The following SPATA31E1 variants were observed in gnomAD, a reference collection of about 807,000 sequenced individuals.
SPATA31E1 encodes spermatogenesis-associated protein 31E1.
SPATA31E1 carries 7 observed loss-of-function variants against 12.9 expected under a neutral mutation model. The observed-to-expected ratio is 0.54, with a 90% CI of 0.31 to 1.02. The LOEUF is 1.02. Among genes scored for constraint, SPATA31E1 ranks in the 50% least tolerant of loss-of-function variants. The pLI is 0.05. For missense variants in SPATA31E1, 1,961 were observed against 1,799.8 expected (o/e 1.09, Z -1.62); for synonymous variants, 771 against 719.0 (o/e 1.07, Z -1.16).
rs758117140 is a variant in SPATA31E1, at chr9:87,887,914, A to G, written c.3427A>G (p.Arg1143Gly). 1.9e-6 allele frequency: 3 copies of G among 1,613,876 alleles called. No homozygotes were observed. The highest frequency in any genetic ancestry group is 2.5e-6 in the Non-Finnish European group (3 of 1,180,032). ...CATGGACATGCTCACTGCCGCAGAC[A>G]GGCTGCCCACTCAAGCCCCTCTGTC... ...RHMDMLTAAD[R>G]LPTQAPLSTS... Residue 1143 changes from arginine to glycine, a missense_variant, in exon 4 of 4, where the codon AGG becomes GGG. Transcript: ENST00000325643.
In SPATA31E1 at chr9:87,883,060, C is replaced by G. The variant is rs770162452; in HGVS notation, c.169C>G (p.Leu57Val). The change falls in exon 1 of 4, where the codon CTG (leucine) becomes GTG (valine). Residue 57 changes from leucine (L) to valine (V), a missense_variant. Leu to Val is a conservative substitution (Grantham distance 32). Coordinates refer to ENST00000325643, the MANE Select transcript of SPATA31E1 (RefSeq NM_178828.5). The stretch of plus-strand genomic sequence containing the variant: ...TCTGAAGAGCCCTAGTGCCACATGG[C>G]TGAGCCCTAGCTCCACTCCCTGGAT... ...FPLKSPSATW[L>V]SPSSTPWMMD... 1.2e-6 allele frequency: 2 copies of G among 1,613,448 alleles called. No individual in the cohort carries two copies. Among genetic ancestry groups the G allele is most frequent in the Admixed American group, 3.3e-5 (2 of 59,958 alleles).
At position 87,887,030 on chromosome 9, in the gene SPATA31E1, G is replaced by A. The variant is rs149963980; in HGVS notation, c.2543G>A (p.Trp848Ter). Reference protein sequence around the residue: ...HLVRFCVRHSWGTDLQSLEPI... With the variant: ...HLVRFCVRHS Reference sequence around the variant, plus strand: ...GTAAGGTTCTGTGTGAGGCACAGCTGGGGTACAGACCTCCAGTCCCTGGAG... The same window carrying A: ...GTAAGGTTCTGTGTGAGGCACAGCTAGGGTACAGACCTCCAGTCCCTGGAG... The change falls in exon 4 of 4, where the codon TGG (tryptophan) becomes TAG (stop). Residue 848 changes from tryptophan to a stop codon, truncating the protein, a stop_gained. Transcript: ENST00000325643. LOFTEE classifies it low-confidence loss of function (END_TRUNC). 1.6e-5 allele frequency: 26 copies of A among 1,613,966 alleles called. No individual in the cohort carries two copies. The highest frequency in any genetic ancestry group is 2.2e-5 in the Non-Finnish European group (26 of 1,180,024).
rs771927588 is a variant in SPATA31E1 at position 87,885,479 on chromosome 9, T to A, written c.992T>A (p.Leu331His). 5 of 1,614,058 alleles carry A rather than the reference T, an allele frequency of 3.1e-6. No individual in the cohort carries two copies. The South Asian group carries it at 4.4e-5, about 14-fold the overall frequency. Residue 331 changes from leucine to histidine, a missense_variant, in exon 4 of 4, where the codon CTT becomes CAT. Transcript: ENST00000325643. Reference protein sequence around the residue: ...YSHGKSQPRHLPDHTSEASFW... With the variant: ...YSHGKSQPRHHPDHTSEASFW... Reference sequence around the variant, plus strand: ...CATGGCAAATCCCAGCCACGGCATCTTCCCGACCACACCTCAGAGGCTTCC... The same window carrying A: ...CATGGCAAATCCCAGCCACGGCATCATCCCGACCACACCTCAGAGGCTTCC...
chr9:87,885,414 G>A lies in SPATA31E1; in HGVS notation c.927G>A (p.Trp309Ter). 2 of 1,613,986 alleles carry A rather than the reference G, an allele frequency of 1.2e-6. No homozygotes were observed. Among genetic ancestry groups the A allele is most frequent in the Non-Finnish European group, 1.7e-6 (2 of 1,179,970 alleles). Reference protein sequence around the residue: ...SSDPIWDLYCWREAATTWGLS... With the variant: ...SSDPIWDLYC ...ATCCCATCTGGGACCTCTATTGCTG[G>A]AGGGAGGCTGCCACCACCTGGGGCC... The change falls in exon 4 of 4, where the codon TGG becomes TGA. Residue 309 changes from tryptophan to a stop codon, truncating the protein, a stop_gained. Coordinates refer to ENST00000325643, the MANE Select transcript of SPATA31E1 (RefSeq NM_178828.5). LOFTEE classifies it low-confidence loss of function (END_TRUNC).
In SPATA31E1 at chr9:87,887,951, G is replaced by A. The variant is rs1320335138; in HGVS notation, c.3464G>A (p.Ser1155Asn). 2 of 1,613,878 alleles carry A rather than the reference G, an allele frequency of 1.2e-6. No homozygotes were observed. The highest frequency in any genetic ancestry group is 1.7e-5 in the Admixed American group (1 of 60,032). The change falls in exon 4 of 4, where the codon AGT becomes AAT. Residue 1155 changes from serine to asparagine, a missense_variant. Ser to Asn is a conservative substitution (Grantham distance 46). Transcript: ENST00000325643. ...CAAGCCCCTCTGTCCACCTCCCAGA[G>A]TGTGTCTGGTAAGAACATGACAGCT... ...PTQAPLSTSQSVSGKNMTASQ... is the reference protein window; with the variant it reads ...PTQAPLSTSQNVSGKNMTASQ...
Position 87,885,422 on chromosome 9 carries a change from C to T in SPATA31E1, c.935C>T (p.Ala312Val). 2 of 1,614,014 alleles carry T rather than the reference C, an allele frequency of 1.2e-6. No individual in the cohort carries two copies. Among genetic ancestry groups the T allele is most frequent in the South Asian group, 1.1e-5 (1 of 91,072 alleles). Residue 312 changes from alanine to valine, a missense_variant, in exon 4 of 4, where the codon GCT becomes GTT. Ala to Val is a moderately conservative substitution (Grantham distance 64, BLOSUM62 0). Transcript: ENST00000325643. ...PIWDLYCWRE[A>V]ATTWGLSTYS... ...TGGGACCTCTATTGCTGGAGGGAGG[C>T]TGCCACCACCTGGGGCCTCTCCACC...
In SPATA31E1 at chr9:87,888,695, C is replaced by T. The variant is rs112928060; in HGVS notation, c.4208C>T (p.Ala1403Val). ...ATCAGAGACAGAGACAGCAGTTGGG[C>T]CCCACCTCCCAGGGAGCCTGTGTCC... ...RGIRDRDSSW[A>V]PPPREPVSPA... The change falls in exon 4 of 4, where the codon GCC becomes GTC. Residue 1403 changes from alanine to valine, a missense_variant. By Grantham distance (64) the Ala-to-Val change is moderately conservative. Transcript: ENST00000325643. 1 of 1,613,964 alleles carries T rather than the reference C, an allele frequency of 6.2e-7. No homozygotes were observed.
At position 87,885,383 on chromosome 9, in the gene SPATA31E1, C is replaced by G; in HGVS notation, c.896C>G (p.Ser299Cys). Reference sequence around the variant, plus strand: ...AGGGTGATCTCTGGCCTGGGGTGCTCCAGCGATCCCATCTGGGACCTCTAT... The same window carrying G: ...AGGGTGATCTCTGGCCTGGGGTGCTGCAGCGATCCCATCTGGGACCTCTAT... ...PTRVISGLGC[S>C]SDPIWDLYCW... The change falls in exon 4 of 4, where the codon TCC (serine) becomes TGC (cysteine). Residue 299 changes from serine (S) to cysteine (C), a missense_variant. Transcript: ENST00000325643. 6.2e-7 allele frequency: 1 copy of G among 1,613,964 alleles called. No individual in the cohort carries two copies. The highest frequency in any genetic ancestry group is 1.3e-5 in the African/African-American group (1 of 75,036).
rs758849511 is a variant in SPATA31E1, at chr9:87,888,703, C to T, written c.4216C>T (p.Pro1406Ser). The change falls in exon 4 of 4, where the codon CCC becomes TCC. Residue 1406 changes from proline (P) to serine (S), a missense_variant. Pro to Ser is a moderately conservative substitution (Grantham distance 74). Transcript: ENST00000325643. ...RDRDSSWAPP[P>S]REPVSPAGPH... ...CAGAGACAGCAGTTGGGCCCCACCT[C>T]CCAGGGAGCCTGTGTCCCCAGCTGG... 3 of 1,613,986 alleles carry T rather than the reference C, an allele frequency of 1.9e-6. No homozygotes were observed. In the South Asian group the frequency reaches 3.3e-5, roughly 18 times the overall value.
chr9:87,886,847 G>C lies in SPATA31E1; in HGVS notation c.2360G>C (p.Arg787Pro). 3.1e-6 allele frequency: 5 copies of C among 1,614,144 alleles called. No homozygotes were observed. Among genetic ancestry groups the C allele is most frequent in the Non-Finnish European group, 4.2e-6 (5 of 1,180,038 alleles). Reference sequence around the variant, plus strand: ...GGCTGGATCCCCATGCCTGTGCGTCGCTCCTGGCTCATGGCCAAATGTGCT... The same window carrying C: ...GGCTGGATCCCCATGCCTGTGCGTCCCTCCTGGCTCATGGCCAAATGTGCT... ...KEGWIPMPVR[R>P]SWLMAKCAVP... Residue 787 changes from arginine to proline, a missense_variant, in exon 4 of 4, where the codon CGC becomes CCC. Coordinates refer to ENST00000325643, the MANE Select transcript of SPATA31E1 (RefSeq NM_178828.5).
chr9:87,886,545 G>A lies in SPATA31E1; in HGVS notation c.2058G>A (p.Lys686=). The A allele has an allele frequency of 6.2e-7, 1 of 1,613,992 alleles. No homozygotes were observed. The highest frequency in any genetic ancestry group is 8.5e-7 in the Non-Finnish European group (1 of 1,179,940). Residue 686 remains lysine, a synonymous_variant, in exon 4 of 4, where the codon AAG becomes AAA. Coordinates refer to ENST00000325643, the MANE Select transcript of SPATA31E1 (RefSeq NM_178828.5). ...CCCAGCCTTCTGACTTTGCAGGGAA[G>A]GGCAGGAAGGATGTGCAGAAGACCG... ...LPSQPSDFAG[K]GRKDVQKTGF... is the part of the protein sequence containing the mutation.
rs896660018 is a variant in SPATA31E1 at position 87,885,459 on chromosome 9, C to T, written c.972C>T (p.Gly324=). ...TTWGLSTYSH[G]KSQPRHLPDH... is the part of the protein sequence containing the mutation. Reference sequence around the variant, plus strand: ...GGGGCCTCTCCACCTACTCACATGGCAAATCCCAGCCACGGCATCTTCCCG... The same window carrying T: ...GGGGCCTCTCCACCTACTCACATGGTAAATCCCAGCCACGGCATCTTCCCG... Residue 324 remains glycine, a synonymous_variant, in exon 4 of 4, where the codon GGC becomes GGT. Coordinates refer to ENST00000325643, the MANE Select transcript of SPATA31E1 (RefSeq NM_178828.5). 6.2e-7 allele frequency: 1 copy of T among 1,613,992 alleles called. No homozygotes were observed. Among genetic ancestry groups the T allele is most frequent in the Admixed American group, 1.7e-5 (1 of 60,024 alleles).
At chr9:87,884,480 G>C (rs1462221634) in intron 2 of SPATA31E1, 111 bp from the exon 3 acceptor site, 2 of 1,107,356 alleles carry the variant, frequency 1.8e-6, no homozygotes, top group Non-Finnish European at 2.7e-6. Flanking sequence ...ACAGATGCGA[G>C]GGCTTCAGGG....
Position 87,885,052 on chromosome 9 carries a change from T to G in SPATA31E1, c.565T>G (p.Leu189Val). Reference sequence around the variant, plus strand: ...CATGCAAGATCCGTCTCCTGCCAGCTTGTCCCCACCAGCTCCCCCAGCTCC... The same window carrying G: ...CATGCAAGATCCGTCTCCTGCCAGCGTGTCCCCACCAGCTCCCCCAGCTCC... ...KCMQDPSPAS[L>V]SPPAPPAPLA... The change falls in exon 4 of 4, where the codon TTG becomes GTG. Residue 189 changes from leucine (L) to valine (V), a missense_variant. Coordinates refer to ENST00000325643, the MANE Select transcript of SPATA31E1 (RefSeq NM_178828.5). The G allele has an allele frequency of 6.2e-7, 1 of 1,614,156 alleles. No individual in the cohort carries two copies. Among genetic ancestry groups the G allele is most frequent in the Non-Finnish European group, 8.5e-7 (1 of 1,180,010 alleles).
At position 87,886,786 on chromosome 9, in the gene SPATA31E1, A is replaced by C; in HGVS notation, c.2299A>C (p.Ile767Leu). The C allele has an allele frequency of 5.6e-6, 9 of 1,614,032 alleles. No homozygotes were observed. Among genetic ancestry groups the C allele is most frequent in the Non-Finnish European group, 7.6e-6 (9 of 1,180,022 alleles). Residue 767 changes from isoleucine to leucine, a missense_variant, in exon 4 of 4, where the codon ATC (isoleucine) becomes CTC (leucine). Physicochemically the swap from Ile to Leu is conservative, Grantham distance 5. Coordinates refer to ENST00000325643, the MANE Select transcript of SPATA31E1 (RefSeq NM_178828.5). Reference sequence around the variant, plus strand: ...GGAGCATCTGGAAAACAAGCTGCAAATCCATCTGGCCAGGAAGGTAGGGGA... The same window carrying C: ...GGAGCATCTGGAAAACAAGCTGCAACTCCATCTGGCCAGGAAGGTAGGGGA... ...DKEHLENKLQ[I>L]HLARKVGEIK...
At position 87,886,912 on chromosome 9, in the gene SPATA31E1, G is replaced by A. The variant is rs1276285151; in HGVS notation, c.2425G>A (p.Ala809Thr). 1.1e-5 allele frequency: 17 copies of A among 1,614,090 alleles called. No individual in the cohort carries two copies. In the East Asian group the frequency reaches 2.2e-4, roughly 21 times the overall value. The change falls in exon 4 of 4, where the codon GCA becomes ACA. Residue 809 changes from alanine (A) to threonine (T), a missense_variant. Ala to Thr is a moderately conservative substitution (Grantham distance 58). Transcript: ENST00000325643. ...SDTHRKPGKL[A>T]SWRGGKAHVN... ...CACCCACAGGAAACCTGGGAAGCTG[G>A]CATCCTGGAGGGGTGGGAAAGCCCA...
rs560811187 is a variant in SPATA31E1 at position 87,887,055 on chromosome 9, G to A, written c.2568G>A (p.Glu856=). Residue 856 remains glutamate, a synonymous_variant, in exon 4 of 4, where the codon GAG becomes GAA. Transcript: ENST00000325643. ...GGGGTACAGACCTCCAGTCCCTGGA[G>A]CCCATAAATGTCTGGTCAGGTGAGG... The part of the protein sequence containing the change: ...HSWGTDLQSL[E]PINVWSGEAQ... 1.9e-6 allele frequency: 3 copies of A among 1,614,122 alleles called. No individual in the cohort carries two copies. Among genetic ancestry groups the A allele is most frequent in the African/African-American group, 2.7e-5 (2 of 75,066 alleles).
At position 87,882,922 on chromosome 9, in the gene SPATA31E1, G is replaced by A. The variant is rs537798926; in HGVS notation, c.31G>A (p.Gly11Ser). The A allele has an allele frequency of 2.2e-5, 35 of 1,612,940 alleles. No homozygotes were observed. The South Asian group carries it at 3.4e-4, about 16-fold the overall frequency. ...AAATCTCGTCATCCCTCTAGGGAAG[G>A]GCAGGGCAGGCAGGGTTGAGAGTGG... MGNLVIPLGK[G>S]RAGRVESGQR... The change falls in exon 1 of 4, where the codon GGC (glycine) becomes AGC (serine). Residue 11 changes from glycine (G) to serine (S), a missense_variant. Gly to Ser is a moderately conservative substitution (Grantham distance 56, BLOSUM62 0). Transcript: ENST00000325643.
In SPATA31E1 at chr9:87,886,953, G is replaced by C. The variant is rs1360742911; in HGVS notation, c.2466G>C (p.Gln822His). 6.2e-7 allele frequency: 1 copy of C among 1,614,084 alleles called. No homozygotes were observed. Among genetic ancestry groups the C allele is most frequent in the Non-Finnish European group, 8.5e-7 (1 of 1,180,012 alleles). Reference protein sequence around the residue: ...RGGKAHVNTSQELSFLHPCTQ... With the variant: ...RGGKAHVNTSHELSFLHPCTQ... ...GGAAAGCCCACGTGAACACCTCCCA[G>C]GAGCTTTCCTTCCTCCATCCCTGCA... The change falls in exon 4 of 4, where the codon CAG becomes CAC. Residue 822 changes from glutamine (Q) to histidine (H), a missense_variant. Gln to His is a conservative substitution (Grantham distance 24). Coordinates refer to ENST00000325643, the MANE Select transcript of SPATA31E1 (RefSeq NM_178828.5).
Sources: allele counts gnomAD v4.1 joint callset, GRCh38; gene constraint gnomAD v4.1.1; transcripts MANE v1.5; gene names NCBI Gene and HGNC (gene_info 2026-07-23, HGNC 2026-07-21).